The following XKR9 variants were observed in gnomAD, a reference collection of about 807,000 sequenced individuals.
XKR9 encodes XK related 9.
A neutral mutation model predicts 32.0 loss-of-function variants in XKR9; 32 were observed. The observed-to-expected ratio is 1.00, with a 90% CI of 0.76 to 1.34. The LOEUF is 1.34. Among genes scored for constraint, XKR9 ranks in the 40% most tolerant of loss-of-function variants. The pLI is 0.00. For synonymous variants in XKR9, 168 were observed against 143.4 expected, an observed-to-expected ratio of 1.17 and a Z score of -1.22; for missense variants, 546 against 429.7, an observed-to-expected ratio of 1.27 and a Z score of -2.39.
the XKR9 span, among the ~76,000 whole-genome samples, chr8:70,803,986 C>T: frequency 6.6e-6 from 1 of 152,214 alleles, no homozygotes; most frequent in Non-Finnish European, 1.5e-5. Context: ...CTGGGTGTCT[C>T]CCAGGACAAC....
chr8:70,685,763 T>G (rs1435980137), intron 3 of XKR9, among the ~76,000 whole-genome samples: 1 of 140,336 alleles, frequency 7.1e-6, no homozygotes, highest in Non-Finnish European at 1.6e-5. Flanking sequence ...AGGGATAGCA[T>G]TAGGAGATAT....
At chr8:71,022,971 G>A in the XKR9 span, among the ~76,000 whole-genome samples, 5 of 150,138 alleles carry the variant, frequency 3.3e-5, no homozygotes, top group African/African-American at 1.2e-4. Flanking sequence ...CTATTTCTTT[G>A]GTAAATTTAT....
At chr8:70,732,240 G>A (rs1453338800) in intron 4 of XKR9, among the ~76,000 whole-genome samples, 3 of 152,194 alleles carry the variant, frequency 2.0e-5, no homozygotes, top group Non-Finnish European at 4.4e-5. Context: ...CATTGGCAAC[G>A]CCTAGGATAC....
the XKR9 span, among the ~76,000 whole-genome samples, chr8:70,928,114 C>G: frequency 6.6e-6 from 1 of 152,206 alleles, no homozygotes; most frequent in Non-Finnish European, 1.5e-5. Context: ...GTAATTGCAG[C>G]TCACTGCAAC....
the XKR9 span, among the ~76,000 whole-genome samples, chr8:70,988,618 T>G: frequency 6.6e-6 from 1 of 152,230 alleles, no homozygotes; most frequent in Non-Finnish European, 1.5e-5. Flanking sequence ...TCAGTGCCTA[T>G]TTTGTTATTA....
the XKR9 span, among the ~76,000 whole-genome samples, chr8:70,856,284 T>C: frequency 6.6e-6 from 1 of 152,070 alleles, no homozygotes; most frequent in East Asian, 1.9e-4. Flanking sequence ...TGAAGGAAGA[T>C]CTACCAAGCA....
chr8:70,944,511 A>C, the XKR9 span, among the ~76,000 whole-genome samples: 1 of 152,200 alleles, frequency 6.6e-6, no homozygotes, highest in Admixed American at 6.5e-5. Flanking sequence ...GCAGCTAGGG[A>C]TCATCTCTAC....
chr8:71,007,299 C>A, the XKR9 span, among the ~76,000 whole-genome samples: 20 of 152,074 alleles, frequency 1.3e-4, no homozygotes, highest in Admixed American at 2.0e-4. Context: ...GGTGATTCAG[C>A]ATTGAGGGGA....
the XKR9 span, among the ~76,000 whole-genome samples, chr8:70,921,287 C>T: frequency 6.6e-6 from 1 of 152,152 alleles, no homozygotes; most frequent in Non-Finnish European, 1.5e-5. Context: ...TCTGTGGAGG[C>T]CTCTGCAATG....
intron 2 of XKR9, among the ~76,000 whole-genome samples, chr8:70,784,409 GA>G (rs1269242754): frequency 3.8e-5 from 4 of 104,442 alleles, no homozygotes. Context: ...TTAGTGTACA[GA>G]TTTTTTTTAC....
chr8:70,867,729 G>A, the XKR9 span, among the ~76,000 whole-genome samples: 6 of 152,248 alleles, frequency 3.9e-5, no homozygotes, highest in South Asian at 4.2e-4. Flanking sequence ...TGGGATTACA[G>A]GCATGAGCCA....
intron 4 of XKR9, among the ~76,000 whole-genome samples, chr8:70,711,670 T>G (rs1805924691): frequency 7.1e-6 from 1 of 141,046 alleles, no homozygotes; most frequent in Non-Finnish European, 1.6e-5. Context: ...AACTATGTAT[T>G]GGGTACTAGG....
chr8:70,697,442 C>A (rs1206470522), intron 3 of XKR9, among the ~76,000 whole-genome samples: 2 of 151,712 alleles, frequency 1.3e-5, no homozygotes, highest in Non-Finnish European at 2.9e-5. Flanking sequence ...TTGAGATAAT[C>A]ATGTGGTTTT....
the XKR9 span, among the ~76,000 whole-genome samples, chr8:70,846,322 G>A: frequency 6.6e-6 from 1 of 152,066 alleles, no homozygotes; most frequent in Non-Finnish European, 1.5e-5. Context: ...ACAATGGGAT[G>A]TGAAAAGATG....
chr8:70,967,464 C>A, the XKR9 span, among the ~76,000 whole-genome samples: 1 of 152,096 alleles, frequency 6.6e-6, no homozygotes, highest in Non-Finnish European at 1.5e-5. Flanking sequence ...TGTGTGGATA[C>A]GATCCTGTCA....
chr8:70,898,101 TA>T, the XKR9 span, among the ~76,000 whole-genome samples: 1 of 152,146 alleles, frequency 6.6e-6, no homozygotes, highest in Non-Finnish European at 1.5e-5. Flanking sequence ...TGGTGAGGGA[TA>T]GGGGTCTAGT....
At chr8:70,818,463 C>T in the XKR9 span, among the ~76,000 whole-genome samples, 367 of 152,146 alleles carry the variant, frequency 2.4e-3, 5 homozygotes, top group South Asian at 0.016. Context: ...GTAGATATTA[C>T]GACTTTTATT....
chr8:70,880,184 A>T, the XKR9 span, among the ~76,000 whole-genome samples: 1 of 152,092 alleles, frequency 6.6e-6, no homozygotes. Context: ...ATGGGCAAAA[A>T]CTGGAAGCAT....
the XKR9 span, among the ~76,000 whole-genome samples, chr8:70,824,426 G>A: frequency 0.32 from 48,400 of 151,780 alleles, 9,069 homozygotes; most frequent in Non-Finnish European, 0.43. Context: ...TTATTTAGGT[G>A]TCTTTATTTC....
Sources: gnomAD v4.1 joint callset for allele counts (sites outside exome capture counted in the v4.1 genomes callset) on GRCh38, gnomAD v4.1.1 for gene constraint, MANE v1.5 for transcripts, NCBI Gene and HGNC (gene_info 2026-07-23, HGNC 2026-07-21) for gene names.